SMCO2: variants seen among roughly 807,000 people sequenced by gnomAD.
SMCO2 encodes single-pass membrane protein with coiled-coil domains 2, also known as single-pass membrane and coiled-coil domain-containing protein 2.
A neutral mutation model predicts 29.5 loss-of-function variants in SMCO2; 25 were observed. The ratio of observed to expected loss-of-function variants is 0.85; its 90% confidence interval spans 0.62 to 1.18. The LOEUF is 1.18. Ranked by LOEUF, SMCO2 falls within the 50% of genes most tolerant of loss-of-function variation. SMCO2 has a pLI of 0.00. For synonymous variants in SMCO2, 117 were observed against 123.3 expected, an observed-to-expected ratio of 0.95 and a Z score of 0.34; for missense variants, 348 against 344.5, an observed-to-expected ratio of 1.01 and a Z score of -0.08.
chr12:27,467,262 G>A (rs915916467), intron 1 of SMCO2, among the ~76,000 whole-genome samples: 1 of 152,046 alleles, frequency 6.6e-6, no homozygotes, highest in African/African-American at 2.4e-5. Context: ...ATAGGATATG[G>A]GGGAAGGAGG....
At chr12:27,487,252 G>A (rs1475430922) in intron 4 of SMCO2, among the ~76,000 whole-genome samples, 1 of 151,960 alleles carries the variant, frequency 6.6e-6, no homozygotes, top group South Asian at 2.1e-4. Flanking sequence ...CTAACCCCTG[G>A]CAACCACAAA....
chr12:27,491,201 GAGA>G (rs555347390), intron 5 of SMCO2, among the ~76,000 whole-genome samples: 123 of 152,286 alleles, frequency 8.1e-4, no homozygotes, highest in African/African-American at 2.8e-3. Context: ...GGCATGAAAA[GAGA>G]AGGAGGGAAA....
chr12:27,481,860 T>C (rs1029625338), intron 4 of SMCO2, among the ~76,000 whole-genome samples: 1 of 152,188 alleles, frequency 6.6e-6, no homozygotes, highest in Non-Finnish European at 1.5e-5. Flanking sequence ...ATTCCTGAAA[T>C]TGAATATTTG....
rs187763036 is a variant in SMCO2, at chr12:27,487,418, T to C, written c.363-1042T>C. The stretch of plus-strand genomic sequence containing the variant: ...GTATTGATCTTTCCTTCCTTTTCAT[T>C]GCTGAGTAGTCTTCCATGATATGAA... On this transcript the variant is annotated intron_variant, in intron 4 of 7. Transcript: ENST00000298876. 1.4e-3 allele frequency among the ~76,000 whole-genome samples: 209 copies of C among 152,350 alleles called. 1 individual carries two copies. Among genetic ancestry groups the C allele is most frequent in the African/African-American group, 4.7e-3 (197 of 41,578 alleles).
At chr12:27,461,117 A>G in the SMCO2 span, among the ~76,000 whole-genome samples, 15 of 152,200 alleles carry the variant, frequency 9.9e-5, no homozygotes, top group African/African-American at 3.6e-4. Flanking sequence ...ACCTATGCAC[A>G]TCCTCCTATG....
exon 8 of SMCO2, chr12:27,502,184 T>C (rs1228036680): frequency 3.8e-6 from 5 of 1,306,308 alleles, no homozygotes; most frequent in Non-Finnish European, 5.0e-6. Context: ...GCTGTTCCTG[T>C]ATTGTGGTGG....
chr12:27,482,691 A>G (rs1013177629), intron 4 of SMCO2, among the ~76,000 whole-genome samples: 5 of 152,200 alleles, frequency 3.3e-5, no homozygotes, highest in African/African-American at 1.2e-4. Flanking sequence ...AGTTAAGTCC[A>G]TTGTGACCAA....
chr12:27,430,679 G>A, the SMCO2 span, among the ~76,000 whole-genome samples: 339 of 152,204 alleles, frequency 2.2e-3, no homozygotes, highest in African/African-American at 7.5e-3. Flanking sequence ...GAATAAAATC[G>A]AACCTTTATT....
At position 27,499,647 on chromosome 12, in the gene SMCO2, G is replaced by A. The variant is rs757898109; in HGVS notation, c.684-2276G>A. On this transcript the variant is annotated intron_variant, in intron 7 of 7. Coordinates refer to ENST00000298876, the Ensembl canonical transcript of SMCO2. ...AAGTAAATAGGTGAATGCCTTTCAC[G>A]TATCGCTTTATTGTGTTATATCGGA... Among the ~76,000 whole-genome samples the A allele has an allele frequency of 8.6e-5, 13 of 150,736 alleles. 2 individuals are homozygous for A. The highest frequency in any genetic ancestry group is 2.5e-4 in the African/African-American group (10 of 40,342).
chr12:27,434,124 G>A, the SMCO2 span, among the ~76,000 whole-genome samples: 1 of 152,172 alleles, frequency 6.6e-6, no homozygotes, highest in Non-Finnish European at 1.5e-5. Context: ...ACATAACCTA[G>A]CGCCAAAACA....
At chr12:27,489,929 A>T (rs1040596178) in intron 5 of SMCO2, among the ~76,000 whole-genome samples, 1 of 152,212 alleles carries the variant, frequency 6.6e-6, no homozygotes, top group Non-Finnish European at 1.5e-5. Flanking sequence ...GAGGAGAAAG[A>T]TAGAGAAACA....
chr12:27,480,930 T>C (rs440144), intron 4 of SMCO2, among the ~76,000 whole-genome samples: 18,420 of 152,138 alleles, frequency 0.12, 2,161 homozygotes, highest in African/African-American at 0.28. Context: ...ACTAACACAC[T>C]GTCAGTGGCA....
chr12:27,476,928 T>C (rs1949591552), intron 4 of SMCO2, among the ~76,000 whole-genome samples: 2 of 152,096 alleles, frequency 1.3e-5, no homozygotes, highest in Admixed American at 1.3e-4. Flanking sequence ...TCCTTATTTC[T>C]TTCTCTCTTA....
intron 2 of SMCO2, 102 bp from the exon 3 acceptor site, chr12:27,472,673 TG>T (rs1216961436): frequency 2.1e-4 from 159 of 755,370 alleles, no homozygotes; most frequent in Non-Finnish European, 1.1e-4. Flanking sequence ...TCCCTGGGAC[TG>T]GGGAAGATCT....
upstream of SMCO2, among the ~76,000 whole-genome samples, chr12:27,463,465 C>A (rs1344886891): frequency 6.6e-6 from 1 of 152,066 alleles, no homozygotes; most frequent in Non-Finnish European, 1.5e-5. Context: ...CGGGGTTTCA[C>A]CACGTTGGCC....
At chr12:27,486,802 C>G (rs1167409395) in intron 4 of SMCO2, among the ~76,000 whole-genome samples, 1 of 152,190 alleles carries the variant, frequency 6.6e-6, no homozygotes, top group Non-Finnish European at 1.5e-5. Flanking sequence ...TTGCAGAGAC[C>G]TGTAGACCAA....
intron 3 of SMCO2, 24 bp downstream of exon 3, chr12:27,472,899 A>C (rs998058202): frequency 6.7e-6 from 10 of 1,495,252 alleles, no homozygotes; most frequent in African/African-American, 2.8e-5. Flanking sequence ...AATGGGTAAG[A>C]GAGACACTTA....
chr12:27,465,700 G>T (rs1014685466), upstream of SMCO2, among the ~76,000 whole-genome samples: 1 of 152,260 alleles, frequency 6.6e-6, no homozygotes, highest in Admixed American at 6.5e-5. Context: ...TCCTCACCTG[G>T]TGCCTTTAAC....
intron 5 of SMCO2, among the ~76,000 whole-genome samples, chr12:27,493,049 G>A (rs746766096): frequency 9.2e-5 from 14 of 152,128 alleles, no homozygotes; most frequent in South Asian, 2.1e-4. Flanking sequence ...GGATGGAGCC[G>A]GAGGTTGTCA....
Sources: gnomAD v4.1 joint callset for allele counts (sites outside exome capture counted in the v4.1 genomes callset) on GRCh38, gnomAD v4.1.1 for gene constraint, MANE v1.5 for transcripts, NCBI Gene and HGNC (gene_info 2026-07-23, HGNC 2026-07-21) for gene names.